Variants in FAM204A observed in about 807,000 individuals in gnomAD.
FAM204A encodes protein FAM204A.
A neutral mutation model predicts 35.4 loss-of-function variants in FAM204A; 16 were observed. That is an observed-to-expected ratio of 0.45 (90% CI 0.31 to 0.69). FAM204A has a LOEUF of 0.69. Ranked by LOEUF, FAM204A falls within the 30% of genes least tolerant of loss-of-function variation. The pLI, the probability that FAM204A is intolerant of heterozygous loss-of-function variation, is 0.07. For missense variants in FAM204A, 240 were observed against 265.7 expected, an observed-to-expected ratio of 0.90 and a Z score of 0.67; for synonymous variants, 76 against 86.9, an observed-to-expected ratio of 0.88 and a Z score of 0.70.
intron 6 of FAM204A, among the ~76,000 whole-genome samples, chr10:118,331,120 G>A (rs947431604): frequency 6.6e-6 from 1 of 152,194 alleles, no homozygotes; most frequent in South Asian, 2.1e-4. Context: ...ACTTCTTCAA[G>A]CTCAGACCCA....
At chr10:118,330,650 T>C (rs1337807418) in intron 6 of FAM204A, among the ~76,000 whole-genome samples, 2 of 152,258 alleles carry the variant, frequency 1.3e-5, no homozygotes, top group African/African-American at 4.8e-5. Context: ...TAAAATGTAC[T>C]ACCTTCTTTT....
Position 118,301,763 on chromosome 10 carries a change from C to A in FAM204A, c.*9094G>T, listed in dbSNP as rs1161177946. On this transcript the variant is annotated 3_prime_UTR_variant, in exon 9 of 9. Transcript: ENST00000369183. ...TCCTCACATCTCTATAAGATAGCTA[C>A]TATTATTATCTCCATTTCTCAGGAG... 2.6e-5 allele frequency: 4 copies of A among 152,112 alleles called. No individual in the cohort carries two copies. The highest frequency in any genetic ancestry group is 5.9e-5 in the Non-Finnish European group (4 of 68,030). The allele number at this position is 152,112 out of a possible 1,614,324, so 9.4% of individuals were successfully genotyped here. A position where few individuals can be genotyped will look rare whatever the true frequency, so the allele number is the denominator to read the frequency against.
intron 7 of FAM204A, among the ~76,000 whole-genome samples, chr10:118,319,076 T>C (rs1435781909): frequency 6.6e-6 from 1 of 151,968 alleles, no homozygotes; most frequent in Non-Finnish European, 1.5e-5. Flanking sequence ...AACAATAAAC[T>C]GACTGGAAAA....
Position 118,299,391 on chromosome 10 carries a change from G to GTTTTTGTTTTTT in FAM204A, c.*11465_*11466insAAAAAACAAAAA, listed in dbSNP as rs1845783121. On this transcript the variant is annotated 3_prime_UTR_variant, in exon 9 of 9. Coordinates refer to ENST00000369183, the MANE Select transcript of FAM204A (RefSeq NM_022063.3). ...ACCTCCTCCTTTCTGCTTCCAGAAG[G>GTTTTTGTTTTTT]TTTTTTTTTTTTTTTTTTTTTTGAG... The GTTTTTGTTTTTT allele has an allele frequency of 1.1e-5, 1 of 90,294 alleles. No individual in the cohort carries two copies. The highest frequency in any genetic ancestry group is 5.2e-5 in the African/African-American group (1 of 19,224). 5.6% of individuals were successfully genotyped at this position (90,294 alleles called of 1,614,324 possible).
Position 118,336,360 on chromosome 10 carries a change from G to C in FAM204A, c.56C>G (p.Ser19Trp), listed in dbSNP as rs368971602. 1.2e-6 allele frequency: 2 copies of C among 1,613,784 alleles called. No individual in the cohort carries two copies. The highest frequency in any genetic ancestry group is 1.7e-6 in the Non-Finnish European group (2 of 1,179,798). ...GLNESDAESN[S>W]EDEATLENSG... ...GTTCTCCAACGTAGCTTCATCTTCC[G>C]AGTTTGACTCAGCGTCACTTTCATT... The change falls in exon 3 of 9, where the codon TCG becomes TGG. Residue 19 changes from serine (S) to tryptophan (W), a missense_variant. Physicochemically the swap from Ser to Trp is radical, Grantham distance 177. Coordinates refer to ENST00000369183, the MANE Select transcript of FAM204A (RefSeq NM_022063.3).
chr10:118,304,965 TA>T lies in FAM204A; in HGVS notation c.*5891del, dbSNP rs1351747881. 1 of 152,228 alleles carries T rather than the reference TA, an allele frequency of 6.6e-6. No individual in the cohort carries two copies. Among genetic ancestry groups the T allele is most frequent in the Non-Finnish European group, 1.5e-5 (1 of 68,038 alleles). The allele number at this position is 152,228 out of a possible 1,614,324, so 9.4% of individuals were successfully genotyped here. A position where few individuals can be genotyped will look rare whatever the true frequency, so the allele number is the denominator to read the frequency against. On this transcript the variant is annotated 3_prime_UTR_variant, in exon 9 of 9. Coordinates refer to ENST00000369183, the MANE Select transcript of FAM204A (RefSeq NM_022063.3). ...TATATTTTCCAGCTTCCCTTGTGGTTAGTGTGATGAAGTAAGGAAGTCTGAG... is the reference window on the plus strand; with the variant it reads ...TATATTTTCCAGCTTCCCTTGTGGTTGTGTGATGAAGTAAGGAAGTCTGAG...
chr10:118,300,406 T>C lies in FAM204A; in HGVS notation c.*10451A>G, dbSNP rs1452271698. 6.6e-6 allele frequency: 1 copy of C among 152,188 alleles called. No individual in the cohort carries two copies. The highest frequency in any genetic ancestry group is 2.4e-5 in the African/African-American group (1 of 41,438). The allele number at this position is 152,188 out of a possible 1,614,324, so 9.4% of individuals were successfully genotyped here. A position where few individuals can be genotyped will look rare whatever the true frequency, so the allele number is the denominator to read the frequency against. On this transcript the variant is annotated 3_prime_UTR_variant, in exon 9 of 9. Transcript: ENST00000369183. The stretch of plus-strand genomic sequence containing the variant: ...CACTCAAGCCAATTAAATCAACAAA[T>C]ATTTACTGAACACCTACCATGTATG...
chr10:118,336,096 A>C (rs1327676360), intron 3 of FAM204A, 86 bp downstream of exon 3: 22 of 1,464,190 alleles, frequency 1.5e-5, no homozygotes, highest in Non-Finnish European at 2.0e-5. Flanking sequence ...TCCCAAGAAT[A>C]CATGCACATT....
At chr10:118,319,395 C>T (rs892538671) in intron 7 of FAM204A, among the ~76,000 whole-genome samples, 10 of 151,890 alleles carry the variant, frequency 6.6e-5, no homozygotes, top group African/African-American at 2.4e-4. Flanking sequence ...ACTACTTCAA[C>T]ATTATTAACT....
In FAM204A at chr10:118,309,010, T is replaced by C. The variant is rs1296145517; in HGVS notation, c.*1847A>G. On this transcript the variant is annotated 3_prime_UTR_variant, in exon 9 of 9. Transcript: ENST00000369183. ...TAGGATTTCAGACAAAACCACTGGA[T>C]TGTATAGTGAATATTTCCCCCATAA... 1 of 152,214 alleles carries C rather than the reference T, an allele frequency of 6.6e-6. No homozygotes were observed. Among genetic ancestry groups the C allele is most frequent in the African/African-American group, 2.4e-5 (1 of 41,434 alleles). 9.4% of individuals were successfully genotyped at this position (152,214 alleles called of 1,614,324 possible). A position where few individuals can be genotyped will look rare whatever the true frequency, so the allele number is the denominator to read the frequency against.
rs1006865280 is a variant in FAM204A, at chr10:118,299,308, G to A, written c.*11549C>T. 2 of 145,518 alleles carry A rather than the reference G, an allele frequency of 1.4e-5. No homozygotes were observed. The highest frequency in any genetic ancestry group is 3.0e-5 in the Non-Finnish European group (2 of 67,652). The allele number at this position is 145,518 out of a possible 1,614,324, so 9.0% of individuals were successfully genotyped here. ...TTCCTGTCAATCAATTACCAACCCT[G>A]CTTCTGTATTTTTTTTTGAGGTCAA... On this transcript the variant is annotated 3_prime_UTR_variant, in exon 9 of 9. Transcript: ENST00000369183.
At chr10:118,316,908 G>T (rs1846040316) in intron 7 of FAM204A, among the ~76,000 whole-genome samples, 1 of 151,954 alleles carries the variant, frequency 6.6e-6, no homozygotes, top group African/African-American at 2.4e-5. Flanking sequence ...ATTACTCCTG[G>T]ATACAGACGT....
At chr10:118,327,513 T>A (rs1297621902) in intron 6 of FAM204A, among the ~76,000 whole-genome samples, 1 of 152,174 alleles carries the variant, frequency 6.6e-6, no homozygotes, top group Non-Finnish European at 1.5e-5. Flanking sequence ...CCTGAGGCCA[T>A]ACGGATCTAA....
At chr10:118,311,945 C>G (rs1042375182) in intron 7 of FAM204A, among the ~76,000 whole-genome samples, 1 of 152,152 alleles carries the variant, frequency 6.6e-6, no homozygotes, top group African/African-American at 2.4e-5. Flanking sequence ...GTGTGCCCCC[C>G]TTACACCCAC....
chr10:118,337,467 A>G (rs1282865403), intron 2 of FAM204A, among the ~76,000 whole-genome samples: 2 of 152,190 alleles, frequency 1.3e-5, no homozygotes, highest in Admixed American at 1.3e-4. Flanking sequence ...AGACAAACAC[A>G]TCAGGGATTT....
intron 7 of FAM204A, among the ~76,000 whole-genome samples, chr10:118,313,269 C>G (rs2133265819): frequency 6.6e-6 from 1 of 152,284 alleles, no homozygotes; most frequent in East Asian, 1.9e-4. Flanking sequence ...CATTTTAAGT[C>G]CCTGTGGATG....
At chr10:118,339,835 T>C (rs1428555540) in intron 2 of FAM204A, among the ~76,000 whole-genome samples, 1 of 152,192 alleles carries the variant, frequency 6.6e-6, no homozygotes, top group Non-Finnish European at 1.5e-5. Flanking sequence ...GCAGAACACA[T>C]CTTTAGTCCT....
At chr10:118,317,708 G>T (rs573023142) in intron 7 of FAM204A, among the ~76,000 whole-genome samples, 1 of 152,076 alleles carries the variant, frequency 6.6e-6, no homozygotes, top group African/African-American at 2.4e-5. Flanking sequence ...TCTTACTTGG[G>T]AAGTCACAGC....
At chr10:118,319,434 A>T (rs1025081698) in intron 7 of FAM204A, among the ~76,000 whole-genome samples, 2 of 151,992 alleles carry the variant, frequency 1.3e-5, no homozygotes, top group Non-Finnish European at 2.9e-5. Context: ...CCAAAAATCT[A>T]AGCAGTCTAC....
Sources: allele counts gnomAD v4.1 joint callset (sites outside exome capture counted in the v4.1 genomes callset), GRCh38; gene constraint gnomAD v4.1.1; transcripts MANE v1.5; gene names NCBI Gene and HGNC (gene_info 2026-07-23, HGNC 2026-07-21).